Variants in MYOM2 observed in about 807,000 individuals in gnomAD.
The protein encoded by MYOM2 is myomesin 2.
MYOM2 carries 254 observed loss-of-function variants against 187.6 expected under a neutral mutation model. The ratio of observed to expected loss-of-function variants is 1.35; its 90% CI spans 1.22 to 1.50. The LOEUF (loss-of-function observed/expected upper bound fraction) is 1.50. MYOM2 is among the 40% of genes most tolerant of loss of function. MYOM2 has a pLI of 0.00. For missense variants in MYOM2, 2,796 were observed against 1,924.0 expected (o/e 1.45, Z -8.48); for synonymous variants, 981 against 753.8 (o/e 1.30, Z -4.94).
Position 2,098,978 on chromosome 8 carries a change from A to C in MYOM2, c.2435A>C (p.Glu812Ala). Reference sequence around the variant, plus strand: ...AAGTGTGAGGCCTGGACCATGCCGGAGCCCGGTGAGTCGCTGCCCCCAGGA... The same window carrying C: ...AAGTGTGAGGCCTGGACCATGCCGGCGCCCGGTGAGTCGCTGCCCCCAGGA... ...HFKCEAWTMP[E>A]PGPAYDLTFC... is the part of the protein sequence containing the mutation. The change falls in exon 19 of 37, where the codon GAG (glutamate) becomes GCG (alanine). Residue 812 changes from glutamate to alanine, a missense_variant. Glu to Ala is a moderately radical substitution (Grantham distance 107). Coordinates refer to ENST00000262113, the MANE Select transcript of MYOM2 (RefSeq NM_003970.4). The C allele has an allele frequency of 6.2e-7, 1 of 1,602,860 alleles. No homozygotes were observed. The highest frequency in any genetic ancestry group is 1.3e-5 in the African/African-American group (1 of 74,812).
chr8:2,071,815 C>G (rs981487715), intron 8 of MYOM2, among the ~76,000 whole-genome samples: 3 of 152,186 alleles, frequency 2.0e-5, no homozygotes, highest in African/African-American at 7.2e-5. Flanking sequence ...GAGCCTCCTC[C>G]CGGGTTGCTG....
chr8:2,129,387 G>A (rs1210301451), intron 32 of MYOM2, among the ~76,000 whole-genome samples, 155 bp downstream of exon 32: 1 of 152,168 alleles, frequency 6.6e-6, no homozygotes, highest in East Asian at 1.9e-4. Flanking sequence ...TTAGCTCAGG[G>A]AAGGGGGCCC....
Position 2,098,838 on chromosome 8 carries a change from T to C in MYOM2, c.2314-19T>C. 1 of 1,601,250 alleles carries C rather than the reference T, an allele frequency of 6.2e-7. No individual in the cohort carries two copies. The highest frequency in any genetic ancestry group is 8.5e-7 in the Non-Finnish European group (1 of 1,170,366). On this transcript the variant is annotated intron_variant, in intron 18 of 36. Transcript: ENST00000262113. Reference sequence around the variant, plus strand: ...GGCATCCTTTATCTCATGTATTAATTTAAACAAAATCTGAATAGGTGGACG... The same window carrying C: ...GGCATCCTTTATCTCATGTATTAATCTAAACAAAATCTGAATAGGTGGACG...
At chr8:2,079,716 C>G (rs973618274) in intron 13 of MYOM2, 103 bp downstream of exon 13, 3 of 1,240,654 alleles carry the variant, frequency 2.4e-6, no homozygotes, top group African/African-American at 1.5e-5. Flanking sequence ...TGGGCACGGC[C>G]TCTGCATGGA....
rs1229003750 is a variant in MYOM2 at position 2,086,477 on chromosome 8, C to T, written c.1644+1087C>T. 2.2e-4 allele frequency among the ~76,000 whole-genome samples: 30 copies of T among 138,214 alleles called. 1 individual carries two copies. Among genetic ancestry groups the T allele is most frequent in the Admixed American group, 4.3e-4 (6 of 13,890 alleles). 90.7% of individuals were successfully genotyped at this position (138,214 alleles called of 152,430 possible). A position where few individuals can be genotyped will look rare whatever the true frequency, so the allele number is the denominator to read the frequency against. On this transcript the variant is annotated intron_variant, in intron 14 of 36. Coordinates refer to ENST00000262113, the MANE Select transcript of MYOM2 (RefSeq NM_003970.4). ...TGATCTCCACGTGGCCACACACTGT[C>T]ATGATCTCTGTGTGGCCCCCCACTG...
chr8:2,083,778 C>A (rs1819716059), intron 13 of MYOM2, among the ~76,000 whole-genome samples: 1 of 152,212 alleles, frequency 6.6e-6, no homozygotes, highest in African/African-American at 2.4e-5. Flanking sequence ...TCACATTGCC[C>A]AGGCTGATGA....
At chr8:2,097,383 G>A (rs536423574) in intron 18 of MYOM2, among the ~76,000 whole-genome samples, 4 of 152,142 alleles carry the variant, frequency 2.6e-5, no homozygotes, top group Non-Finnish European at 5.9e-5. Context: ...ATAATTGTAC[G>A]TATGGGGTAC....
intron 3 of MYOM2, among the ~76,000 whole-genome samples, chr8:2,053,265 G>C (rs1472624814): frequency 2.0e-5 from 3 of 152,142 alleles, no homozygotes; most frequent in African/African-American, 4.8e-5. Flanking sequence ...TTAAAAAATT[G>C]AATTTTTTTA....
chr8:2,050,348 G>A (rs1397208644), intron 1 of MYOM2, among the ~76,000 whole-genome samples: 6 of 152,038 alleles, frequency 3.9e-5, no homozygotes, highest in Non-Finnish European at 8.8e-5. Context: ...TACCTGCCCC[G>A]GGCTCTTGGC....
At chr8:2,104,584 A>G (rs1193214150) in intron 21 of MYOM2, among the ~76,000 whole-genome samples, 1 of 151,960 alleles carries the variant, frequency 6.6e-6, no homozygotes, top group Non-Finnish European at 1.5e-5. Flanking sequence ...TAGCCTGGGC[A>G]ACGGAGCAAG....
intron 2 of MYOM2, 45 bp from the exon 3 acceptor site, chr8:2,052,113 C>T (rs376170325): frequency 6.2e-7 from 1 of 1,607,198 alleles, no homozygotes; most frequent in African/African-American, 1.3e-5. Flanking sequence ...AATTTCCATA[C>T]TGTGCCTGAG....
At position 2,076,160 on chromosome 8, in the gene MYOM2, A is replaced by G; in HGVS notation, c.1140A>G (p.Thr380=). The part of the protein sequence containing the change: ...LFVRDADPLV[T]GAPGAPMDLQ... Reference sequence around the variant, plus strand: ...CCCAAGATGCTGACCCGCTGGTCACAGGGGCCCCCGGTGCACCCATGGACT... The same window carrying G: ...CCCAAGATGCTGACCCGCTGGTCACGGGGGCCCCCGGTGCACCCATGGACT... Residue 380 remains threonine (T), a synonymous_variant, in exon 11 of 37, where the codon ACA becomes ACG. Coordinates refer to ENST00000262113, the MANE Select transcript of MYOM2 (RefSeq NM_003970.4). 1 of 1,612,520 alleles carries G rather than the reference A, an allele frequency of 6.2e-7. No homozygotes were observed. The highest frequency in any genetic ancestry group is 8.5e-7 in the Non-Finnish European group (1 of 1,179,720).
intron 14 of MYOM2, among the ~76,000 whole-genome samples, chr8:2,086,698 G>A (rs1796094971): frequency 6.6e-6 from 1 of 152,266 alleles, no homozygotes; most frequent in Admixed American, 6.5e-5. Flanking sequence ...CTCGGTGTGA[G>A]CAGGGAGTCG....
chr8:2,128,768 C>T (rs959734778), intron 31 of MYOM2, among the ~76,000 whole-genome samples: 3 of 152,146 alleles, frequency 2.0e-5, no homozygotes, highest in African/African-American at 7.2e-5. Flanking sequence ...AGATTTTCTA[C>T]GATAGTTCAG....
intron 3 of MYOM2, among the ~76,000 whole-genome samples, chr8:2,052,882 A>G (rs1244796747): frequency 6.6e-6 from 1 of 152,222 alleles, no homozygotes; most frequent in Non-Finnish European, 1.5e-5. Context: ...ATAAATTGTC[A>G]TGCTTTACAT....
At chr8:2,059,079 G>C in intron 5 of MYOM2, 74 bp from the exon 6 acceptor site, 1 of 1,279,816 alleles carries the variant, frequency 7.8e-7, no homozygotes. Context: ...CAGGCGCGGG[G>C]GAGCTGGGGC....
chr8:2,117,818 A>C, intron 27 of MYOM2, 67 bp from the exon 28 acceptor site: 2 of 982,818 alleles, frequency 2.0e-6, no homozygotes, highest in Non-Finnish European at 3.1e-6. Context: ...TATATATATA[A>C]TAGCTATATA....
intron 9 of MYOM2, 137 bp from the exon 10 acceptor site, chr8:2,073,202 C>A: frequency 1.1e-6 from 1 of 925,468 alleles, no homozygotes; most frequent in Non-Finnish European, 1.6e-6. Flanking sequence ...GGGATTTTAC[C>A]AGGCTGAGGC....
chr8:2,051,620 C>A (rs1006905245), intron 2 of MYOM2, among the ~76,000 whole-genome samples: 2 of 152,190 alleles, frequency 1.3e-5, no homozygotes, highest in African/African-American at 4.8e-5. Context: ...GCAGCCCCTC[C>A]CAGCAGCCTT....
Sources: gnomAD v4.1 joint callset for allele counts (sites outside exome capture counted in the v4.1 genomes callset) on GRCh38, gnomAD v4.1.1 for gene constraint, MANE v1.5 for transcripts, NCBI Gene and HGNC (gene_info 2026-07-23, HGNC 2026-07-21) for gene names.